Variants in ERC1 observed in about 807,000 individuals in gnomAD.
The protein encoded by ERC1 is ELKS/RAB6-interacting/CAST family member 1.
Under a neutral mutation model 132.0 loss-of-function variants are expected in ERC1, and 56 were observed. The observed-to-expected ratio is 0.42, with a 90% CI of 0.34 to 0.53. The LOEUF (loss-of-function observed/expected upper bound fraction) is 0.53, where lower values mean the gene tolerates loss of function less well. Ranked by LOEUF, ERC1 falls within the 20% of genes least tolerant of loss-of-function variation. The probability of loss-of-function intolerance (pLI) is 0.03; values close to 1 mark genes in which losing one functional copy is unlikely to be tolerated. For synonymous variants in ERC1, 478 were observed against 476.1 expected, an observed-to-expected ratio of 1.00 and a Z score of -0.05; for missense variants, 1,202 against 1,349.9, an observed-to-expected ratio of 0.89 and a Z score of 1.72.
chr12:1,364,610 ACT>A (rs2086477911), intron 15 of ERC1, among the ~76,000 whole-genome samples: 1 of 151,742 alleles, frequency 6.6e-6, no homozygotes, highest in African/African-American at 2.4e-5. Flanking sequence ...CACACTTGCC[ACT>A]CTGTCTTTCT....
At chr12:1,409,793 A>G (rs1295339257) in intron 17 of ERC1, among the ~76,000 whole-genome samples, 1 of 151,994 alleles carries the variant, frequency 6.6e-6, no homozygotes, top group Non-Finnish European at 1.5e-5. Context: ...ACTGCAACCT[A>G]CACCTCCTGG....
chr12:1,280,860 A>G (rs1024143839), intron 14 of ERC1, among the ~76,000 whole-genome samples: 1 of 152,246 alleles, frequency 6.6e-6, no homozygotes, highest in South Asian at 2.1e-4. Context: ...CTTGGCTAAT[A>G]GTATACTTTT....
chr12:1,228,398 A>G (rs923103012), intron 12 of ERC1, among the ~76,000 whole-genome samples: 3 of 52,450 alleles, frequency 5.7e-5, no homozygotes, highest in Non-Finnish European at 1.1e-4. Context: ...ATATTCTGCA[A>G]CTTTACTGAA....
intron 12 of ERC1, among the ~76,000 whole-genome samples, chr12:1,225,138 C>A (rs2074455247): frequency 6.6e-6 from 1 of 151,812 alleles, no homozygotes; most frequent in South Asian, 2.1e-4. Context: ...TTTATTATGT[C>A]TTTTTGGAGT....
intron 17 of ERC1, among the ~76,000 whole-genome samples, chr12:1,417,808 A>G (rs1405974663): frequency 6.6e-6 from 1 of 152,100 alleles, no homozygotes; most frequent in Non-Finnish European, 1.5e-5. Context: ...AGATTTTGGA[A>G]AAGAGTTATT....
At chr12:1,321,933 G>A (rs895145910) in intron 15 of ERC1, among the ~76,000 whole-genome samples, 1 of 152,132 alleles carries the variant, frequency 6.6e-6, no homozygotes, top group East Asian at 1.9e-4. Flanking sequence ...ACAGGAAGGA[G>A]TTTTTACTAC....
intron 14 of ERC1, among the ~76,000 whole-genome samples, chr12:1,267,910 C>T (rs1043238237): frequency 1.4e-4 from 22 of 152,164 alleles, no homozygotes; most frequent in African/African-American, 5.3e-4. Flanking sequence ...AGTATAAATT[C>T]TTGATGTTCA....
intron 13 of ERC1, among the ~76,000 whole-genome samples, chr12:1,247,018 A>G (rs1209654236): frequency 6.6e-6 from 1 of 152,178 alleles, no homozygotes; most frequent in African/African-American, 2.4e-5. Flanking sequence ...AGTCCCAGCT[A>G]CTTGGGAGGC....
At chr12:1,400,908 ATTTTTGTATTTTTTT>A (rs2090971211) in intron 16 of ERC1, among the ~76,000 whole-genome samples, 11 of 43,406 alleles carry the variant, frequency 2.5e-4, no homozygotes, top group Admixed American at 5.3e-4. Flanking sequence ...TGTTTTGGCT[ATTTTTGTATTTTTTT>A]TTTTTTTTTT....
chr12:1,187,291 G>A (rs1235345638), intron 11 of ERC1, among the ~76,000 whole-genome samples: 3 of 152,098 alleles, frequency 2.0e-5, no homozygotes, highest in African/African-American at 4.8e-5. Context: ...CAAGAATTTA[G>A]ATGTAAACTA....
At chr12:1,100,369 A>G (rs998880084) in intron 3 of ERC1, among the ~76,000 whole-genome samples, 1 of 152,190 alleles carries the variant, frequency 6.6e-6, no homozygotes, top group Non-Finnish European at 1.5e-5. Context: ...AGGTCAGCAT[A>G]AGGACTGTGA....
chr12:1,065,383 T>A (rs11835502), intron 2 of ERC1, among the ~76,000 whole-genome samples: 34,566 of 150,944 alleles, frequency 0.23, 4,364 homozygotes, highest in Middle Eastern at 0.28. Flanking sequence ...ATTTCACTCA[T>A]TGAATTCTTT....
chr12:999,698 C>T (rs1001026939), intron 1 of ERC1, among the ~76,000 whole-genome samples: 1 of 139,506 alleles, frequency 7.2e-6, no homozygotes, highest in Non-Finnish European at 1.5e-5. Flanking sequence ...CGGGTTCAAA[C>T]GATTCCCCTG....
Position 1,112,207 on chromosome 12 carries a change from C to A in ERC1, c.1318-8C>A. On this transcript the variant is annotated splice_polypyrimidine_tract_variant and splice_region_variant and intron_variant, in intron 5 of 18. Coordinates refer to ENST00000360905, the MANE Select transcript of ERC1 (RefSeq NM_178040.4). ...CATAAGTGAAAAAGAATAATAATGT[C>A]GTGACAGGTAGAACAACTGAAGGAG... is the stretch of plus-strand genomic sequence containing the variant. The A allele has an allele frequency of 6.3e-7, 1 of 1,597,548 alleles. No homozygotes were observed. The highest frequency in any genetic ancestry group is 1.1e-5 in the South Asian group (1 of 90,626).
At chr12:1,225,547 T>C (rs1320601187) in intron 12 of ERC1, among the ~76,000 whole-genome samples, 1 of 152,022 alleles carries the variant, frequency 6.6e-6, no homozygotes, top group African/African-American at 2.4e-5. Flanking sequence ...TTGTTTTTTC[T>C]GAAACACGAC....
intron 16 of ERC1, among the ~76,000 whole-genome samples, chr12:1,404,310 T>TATTC (rs1388449403): frequency 6.6e-6 from 1 of 152,156 alleles, no homozygotes; most frequent in Non-Finnish European, 1.5e-5. Flanking sequence ...TCCATTTATT[T>TATTC]ATTCATTCAT....
chr12:1,279,687 T>TCATA (rs1432120541), intron 14 of ERC1, among the ~76,000 whole-genome samples: 2 of 151,112 alleles, frequency 1.3e-5, no homozygotes, highest in African/African-American at 2.4e-5. Flanking sequence ...TTATTTTATT[T>TCATA]TATTTATTTA....
intron 15 of ERC1, among the ~76,000 whole-genome samples, chr12:1,354,502 G>A (rs143937340): frequency 2.6e-4 from 39 of 149,666 alleles, no homozygotes; most frequent in African/African-American, 9.3e-4. Context: ...CAGCCTGGGC[G>A]ACAAGAGTGA....
chr12:1,046,846 C>T (rs1464550808), intron 2 of ERC1, among the ~76,000 whole-genome samples: 1 of 152,156 alleles, frequency 6.6e-6, no homozygotes, highest in Non-Finnish European at 1.5e-5. Flanking sequence ...GGTGCCACTC[C>T]ACGGTACATG....
Sources: allele counts gnomAD v4.1 joint callset (sites outside exome capture counted in the v4.1 genomes callset), GRCh38; gene constraint gnomAD v4.1.1; transcripts MANE v1.5; gene names NCBI Gene and HGNC (gene_info 2026-07-23, HGNC 2026-07-21).